Variants in WDR5 observed in about 807,000 individuals in gnomAD.
WDR5 encodes WD repeat domain 5.
For synonymous variants in WDR5, 144 were observed against 161.6 expected, an observed-to-expected ratio of 0.89 and a Z score of 0.83; for missense variants, 187 against 416.9, an observed-to-expected ratio of 0.45 and a Z score of 4.80.
chr9:134,144,535 G>T (rs1345910777), intron 7 of WDR5, among the ~76,000 whole-genome samples: 1 of 152,124 alleles, frequency 6.6e-6, no homozygotes, highest in Non-Finnish European at 1.5e-5. Context: ...AGTCACGTTT[G>T]CTCATAAAAA....
At chr9:134,139,358 G>A (rs1234611748) in intron 1 of WDR5, among the ~76,000 whole-genome samples, 3 of 152,232 alleles carry the variant, frequency 2.0e-5, no homozygotes, top group African/African-American at 4.8e-5. Context: ...GGCTGTGAAC[G>A]TGATTGCGTC....
intron 1 of WDR5, among the ~76,000 whole-genome samples, chr9:134,136,973 AG>A (rs1831595262): frequency 6.6e-6 from 1 of 152,154 alleles, no homozygotes; most frequent in African/African-American, 2.4e-5. Flanking sequence ...CCAGGCGGGG[AG>A]CCTGTCCAGG....
chr9:134,139,997 A>T (rs1831796468), intron 2 of WDR5, 39 bp downstream of exon 2: 1 of 1,607,250 alleles, frequency 6.2e-7, no homozygotes, highest in Admixed American at 1.7e-5. Context: ...TTCCGGGGGC[A>T]AATACGCTTA....
chr9:134,136,182 C>T lies in WDR5; in HGVS notation c.-77C>T, dbSNP rs1313757275. On this transcript the variant is annotated 5_prime_UTR_variant, in exon 1 of 14. Coordinates refer to ENST00000358625, the MANE Select transcript of WDR5 (RefSeq NM_017588.3). ...ACGCGACGCCCCGAGCGCCCGGCCCCGCCGCCGCGGCCCGGCAGGTAAGCG... is the reference window on the plus strand; with the variant it reads ...ACGCGACGCCCCGAGCGCCCGGCCCTGCCGCCGCGGCCCGGCAGGTAAGCG... 1 of 147,724 alleles carries T rather than the reference C, an allele frequency of 6.8e-6. No individual in the cohort carries two copies. The highest frequency in any genetic ancestry group is 1.5e-5 in the Non-Finnish European group (1 of 66,284). The allele number at this position is 147,724 out of a possible 1,614,324, so 9.2% of individuals were successfully genotyped here. A position where few individuals can be genotyped will look rare whatever the true frequency, so the allele number is the denominator to read the frequency against.
chr9:134,140,068 C>T, intron 2 of WDR5, 110 bp downstream of exon 2: 1 of 1,274,698 alleles, frequency 7.8e-7, no homozygotes, highest in Non-Finnish European at 1.1e-6. Context: ...TTAAATGTCA[C>T]TGCTAATTTT....
intron 12 of WDR5, 64 bp downstream of exon 12, chr9:134,155,831 T>C: frequency 6.7e-7 from 1 of 1,484,472 alleles, no homozygotes; most frequent in Non-Finnish European, 9.3e-7. Flanking sequence ...AGGTCACACC[T>C]GTTACAGGTT....
intron 1 of WDR5, among the ~76,000 whole-genome samples, chr9:134,137,710 C>T (rs924045210): frequency 6.6e-6 from 1 of 150,608 alleles, no homozygotes; most frequent in Admixed American, 6.6e-5. Context: ...CAAGCCTAGA[C>T]CCCACCGACG....
intron 1 of WDR5, 71 bp downstream of exon 1, chr9:134,136,271 G>T (rs1831546217): frequency 6.7e-6 from 1 of 148,974 alleles, no homozygotes; most frequent in Non-Finnish European, 1.5e-5. Flanking sequence ...CTTCCAAACC[G>T]CACCCGGCCG....
chr9:134,151,968 C>G lies in WDR5; in HGVS notation c.585-15C>G, dbSNP rs1250362009. ...ACTTGTCTGCTTACGCTTTTTTGTT[C>G]TCTTTGCTTCGAAGTCGCATCTGGG... On this transcript the variant is annotated splice_polypyrimidine_tract_variant and intron_variant, in intron 8 of 13. Transcript: ENST00000358625. 6.2e-7 allele frequency: 1 copy of G among 1,612,246 alleles called. No homozygotes were observed. Among genetic ancestry groups the G allele is most frequent in the South Asian group, 1.1e-5 (1 of 90,892 alleles).
intron 3 of WDR5, 146 bp downstream of exon 3, chr9:134,140,957 C>T (rs1392766418): frequency 1.3e-6 from 1 of 742,378 alleles, no homozygotes; most frequent in Admixed American, 2.2e-5. Context: ...GGTGTGTCTC[C>T]TCCTGGAACT....
chr9:134,139,794 T>A, intron 1 of WDR5, 26 bp from the exon 2 acceptor site: 2 of 1,439,576 alleles, frequency 1.4e-6, no homozygotes, highest in Non-Finnish European at 1.9e-6. Context: ...GTTTCTTGGC[T>A]CCCTGTTCTG....
In WDR5 at chr9:134,139,870, T is replaced by C. The variant is rs1312415833; in HGVS notation, c.-8T>C. 1 of 1,613,426 alleles carries C rather than the reference T, an allele frequency of 6.2e-7. No homozygotes were observed. Among genetic ancestry groups the C allele is most frequent in the Admixed American group, 1.7e-5 (1 of 60,008 alleles). Reference sequence around the variant, plus strand: ...ACCCTTGTCTCCTGTGCGGCCAGCGTCAGAGCCATGGCGACGGAGGAGAAG... The same window carrying C: ...ACCCTTGTCTCCTGTGCGGCCAGCGCCAGAGCCATGGCGACGGAGGAGAAG... On this transcript the variant is annotated 5_prime_UTR_variant, in exon 2 of 14. Transcript: ENST00000358625.
At chr9:134,155,842 G>A in intron 12 of WDR5, 75 bp downstream of exon 12, 1 of 1,401,930 alleles carries the variant, frequency 7.1e-7, no homozygotes, top group Non-Finnish European at 1.0e-6. Flanking sequence ...GTTACAGGTT[G>A]CTTTATACTC....
chr9:134,136,415 G>A (rs1341032939), intron 1 of WDR5, among the ~76,000 whole-genome samples: 1 of 151,184 alleles, frequency 6.6e-6, no homozygotes, highest in Non-Finnish European at 1.5e-5. Context: ...CACCCGGTCC[G>A]CCCCCACTCG....
At chr9:134,144,311 G>A (rs35715743) in intron 7 of WDR5, among the ~76,000 whole-genome samples, 55,050 of 152,100 alleles carry the variant, frequency 0.36, 11,108 homozygotes, top group Non-Finnish European at 0.46. Flanking sequence ...GTGCCAGTCC[G>A]CTGCCCTCCA....
At chr9:134,140,009 A>G in intron 2 of WDR5, 51 bp downstream of exon 2, 2 of 1,598,620 alleles carry the variant, frequency 1.3e-6, no homozygotes, top group Non-Finnish European at 8.6e-7. Flanking sequence ...ATACGCTTAG[A>G]GAGTCTCGGA....
At chr9:134,146,432 C>T (rs1832205323) in intron 7 of WDR5, among the ~76,000 whole-genome samples, 1 of 152,188 alleles carries the variant, frequency 6.6e-6, no homozygotes, top group African/African-American at 2.4e-5. Context: ...GACAAGGTTT[C>T]ACCATGTTGG....
chr9:134,137,777 G>A (rs531628504), intron 1 of WDR5, among the ~76,000 whole-genome samples: 4 of 152,156 alleles, frequency 2.6e-5, no homozygotes, highest in South Asian at 4.1e-4. Flanking sequence ...ACCCCCCGAC[G>A]GAGTTTCACT....
chr9:134,139,408 T>G (rs35949820), intron 1 of WDR5, among the ~76,000 whole-genome samples: 55,169 of 152,146 alleles, frequency 0.36, 11,146 homozygotes, highest in Non-Finnish European at 0.46. Flanking sequence ...GATCCCAAAT[T>G]TCTACACCCT....
Sources: allele counts gnomAD v4.1 joint callset (sites outside exome capture counted in the v4.1 genomes callset), GRCh38; gene constraint gnomAD v4.1.1; transcripts MANE v1.5; gene names NCBI Gene and HGNC (gene_info 2026-07-23, HGNC 2026-07-21).